ZNF540: variants seen among roughly 807,000 people sequenced by gnomAD.
The protein encoded by ZNF540 is zinc finger protein 540, also known as CTD-3064H18.6.
In ZNF540, 3 loss-of-function variants were observed where a neutral mutation model predicts 11.8. That is an observed-to-expected ratio of 0.25 (90% confidence interval 0.12 to 0.65). ZNF540 has a LOEUF of 0.65. Ranked by LOEUF, ZNF540 falls within the 30% of genes least tolerant of loss-of-function variation. ZNF540 has a pLI of 0.83. For missense variants in ZNF540, 709 were observed against 793.1 expected, an observed-to-expected ratio of 0.89 and a Z score of 1.27; for synonymous variants, 247 against 259.0, an observed-to-expected ratio of 0.95 and a Z score of 0.45.
chr19:37,605,149 A>G (rs754576373), intron 4 of ZNF540, among the ~76,000 whole-genome samples: 36 of 152,180 alleles, frequency 2.4e-4, no homozygotes, highest in Admixed American at 3.9e-4. Context: ...GGTGGGATTC[A>G]TGGATTATAT....
chr19:37,563,618 G>C (rs2042747075), intron 1 of ZNF540: 1 of 151,726 alleles, frequency 6.6e-6, no homozygotes, highest in Admixed American at 6.6e-5. Flanking sequence ...TACATACATG[G>C]AATGTATACA....
intron 1 of ZNF540, among the ~76,000 whole-genome samples, chr19:37,568,576 A>G (rs957092648): frequency 6.6e-6 from 1 of 152,294 alleles, no homozygotes; most frequent in East Asian, 1.9e-4. Context: ...TTAATCTAAT[A>G]TGATTCTGGG....
upstream of ZNF540, among the ~76,000 whole-genome samples, chr19:37,593,207 G>A (rs536048990): frequency 3.3e-5 from 5 of 151,856 alleles, no homozygotes; most frequent in African/African-American, 9.7e-5. Flanking sequence ...CTTATAAGAG[G>A]ATAAAATACA....
At chr19:37,571,671 C>T (rs996243053) in intron 1 of ZNF540, among the ~76,000 whole-genome samples, 8 of 152,166 alleles carry the variant, frequency 5.3e-5, no homozygotes, top group Non-Finnish European at 1.0e-4. Flanking sequence ...TTACACAGAA[C>T]TACTTACAAT....
intron 1 of ZNF540, chr19:37,564,915 T>C: frequency 6.2e-7 from 1 of 1,614,066 alleles, no homozygotes; most frequent in East Asian, 2.2e-5. Context: ...TCACATTCCT[T>C]ACATTTGTAG....
In ZNF540 at chr19:37,612,650, A is replaced by G. The variant is rs1457435662; in HGVS notation, c.1370A>G (p.His457Arg). 1 of 1,614,148 alleles carries G rather than the reference A, an allele frequency of 6.2e-7. No individual in the cohort carries two copies. The highest frequency in any genetic ancestry group is 1.7e-5 in the Admixed American group (1 of 60,030). The change falls in exon 5 of 5, where the codon CAT becomes CGT. Residue 457 changes from histidine (H) to arginine (R), a missense_variant. Physicochemically the swap from His to Arg is conservative, Grantham distance 29. Transcript: ENST00000316433. ...ATGCTTCGTTCAGTCCTTACTGAAC[A>G]TCAGAGACTTCATACTGGTGTGAAG... The part of the protein sequence containing the change: ...AFMLRSVLTE[H>R]QRLHTGVKPY...
At chr19:37,587,011 C>T (rs13744) in intron 1 of ZNF540, 71,672 of 291,970 alleles carry the variant, frequency 0.25, 11,011 homozygotes, top group East Asian at 0.67. Flanking sequence ...GAGCCCCCCA[C>T]CATCCTCCTG....
At chr19:37,557,070 A>G (rs1385891064) in intron 1 of ZNF540, among the ~76,000 whole-genome samples, 1 of 152,124 alleles carries the variant, frequency 6.6e-6, no homozygotes, top group Non-Finnish European at 1.5e-5. Context: ...CTTAACTACC[A>G]AGTTGGCGGT....
intron 1 of ZNF540, among the ~76,000 whole-genome samples, chr19:37,596,207 C>A (rs2043993103): frequency 6.6e-6 from 1 of 152,168 alleles, no homozygotes; most frequent in South Asian, 2.1e-4. Context: ...AATGCACTTT[C>A]TTCCCTCTTG....
intron 4 of ZNF540, among the ~76,000 whole-genome samples, chr19:37,606,011 A>G (rs926129002): frequency 6.6e-6 from 1 of 152,240 alleles, no homozygotes; most frequent in Non-Finnish European, 1.5e-5. Flanking sequence ...GGCAGGAATC[A>G]TGACAATCCA....
intron 1 of ZNF540, chr19:37,565,309 A>G (rs756854251): frequency 3.1e-6 from 5 of 1,610,332 alleles, no homozygotes; most frequent in Non-Finnish European, 4.2e-6. Context: ...GTGAGCCACG[A>G]AAAAAGGTCT....
intron 1 of ZNF540, chr19:37,565,021 A>G: frequency 6.2e-7 from 1 of 1,613,702 alleles, no homozygotes; most frequent in South Asian, 1.1e-5. Context: ...GTTTCTCACC[A>G]TGAATTTTCT....
At chr19:37,566,390 T>C in intron 1 of ZNF540, 9 of 1,349,538 alleles carry the variant, frequency 6.7e-6, no homozygotes, top group East Asian at 2.3e-5. Flanking sequence ...TCATTAAGAA[T>C]AGAATGGCTT....
At chr19:37,565,135 G>T in intron 1 of ZNF540, 1 of 1,612,798 alleles carries the variant, frequency 6.2e-7, no homozygotes, top group Admixed American at 1.7e-5. Context: ...TAAGTTGTTT[G>T]CCACAAATAA....
chr19:37,563,602 T>C (rs1189185322), intron 1 of ZNF540: 1 of 151,964 alleles, frequency 6.6e-6, no homozygotes, highest in Non-Finnish European at 1.5e-5. Context: ...GGAATACATA[T>C]ATGCATACAT....
At chr19:37,564,794 A>G in intron 1 of ZNF540, 2 of 1,613,862 alleles carry the variant, frequency 1.2e-6, no homozygotes, top group Non-Finnish European at 1.7e-6. Context: ...ATGTTCAGTA[A>G]GGTGTGAGCC....
intron 4 of ZNF540, among the ~76,000 whole-genome samples, chr19:37,602,900 G>A (rs1600559209): frequency 6.6e-6 from 1 of 152,114 alleles, no homozygotes; most frequent in South Asian, 2.1e-4. Flanking sequence ...TGGGAGGTGA[G>A]GCAGTGATGA....
intron 4 of ZNF540, among the ~76,000 whole-genome samples, chr19:37,605,721 A>G (rs752694977): frequency 1.3e-5 from 2 of 152,198 alleles, no homozygotes; most frequent in Admixed American, 6.5e-5. Context: ...ATAGCTCCAC[A>G]TTGTTGCCAA....
intron 1 of ZNF540, among the ~76,000 whole-genome samples, chr19:37,576,889 G>C (rs1041361380): frequency 5.9e-5 from 9 of 151,946 alleles, no homozygotes; most frequent in Non-Finnish European, 1.2e-4. Flanking sequence ...AAACACAAAG[G>C]ACTTGGCAGT....
Sources: gnomAD v4.1 joint callset for allele counts (sites outside exome capture counted in the v4.1 genomes callset) on GRCh38, gnomAD v4.1.1 for gene constraint, MANE v1.5 for transcripts, NCBI Gene and HGNC (gene_info 2026-07-23, HGNC 2026-07-21) for gene names.